Variants in CCDC170 observed in about 807,000 individuals in gnomAD.
The protein encoded by CCDC170 is coiled-coil domain-containing protein 170.
A neutral mutation model predicts 72.6 loss-of-function variants in CCDC170; 69 were observed. The ratio of observed to expected loss-of-function variants is 0.95; its 90% confidence interval spans 0.78 to 1.16. CCDC170 has a LOEUF of 1.16. Among genes scored for constraint, CCDC170 ranks in the 50% most tolerant of loss-of-function variants. The pLI, the probability that CCDC170 is intolerant of heterozygous loss-of-function variation, is 0.00. For missense variants in CCDC170, 852 were observed against 832.5 expected (o/e 1.02, Z -0.29); for synonymous variants, 300 against 303.9 (o/e 0.99, Z 0.13).
At chr6:151,615,386 A>T in intron 9 of CCDC170, 57 bp from the exon 10 acceptor site, 1 of 1,200,070 alleles carries the variant, frequency 8.3e-7, no homozygotes, top group Non-Finnish European at 1.2e-6. Flanking sequence ...TGTCATGTTT[A>T]TACAGTTTTC....
intron 1 of CCDC170, among the ~76,000 whole-genome samples, chr6:151,530,022 G>C (rs978159702): frequency 1.3e-5 from 2 of 151,982 alleles, no homozygotes; most frequent in African/African-American, 4.8e-5. Context: ...CATTTATGAG[G>C]ATTAATGTAT....
intron 5 of CCDC170, among the ~76,000 whole-genome samples, chr6:151,571,434 T>C (rs1482749658): frequency 6.6e-6 from 1 of 152,132 alleles, no homozygotes; most frequent in Non-Finnish European, 1.5e-5. Context: ...TGTTAAAAAA[T>C]AATTTTAAAA....
chr6:151,554,872 G>GTTTTTTTGTT (rs1782947814), intron 5 of CCDC170, among the ~76,000 whole-genome samples: 1 of 102,318 alleles, frequency 9.8e-6, no homozygotes, highest in Admixed American at 1.3e-4. Flanking sequence ...TTGGACCTCA[G>GTTTTTTTGTT]TTTTTTTTTT....
At chr6:151,498,673 T>C (rs909137602) in intron 1 of CCDC170, among the ~76,000 whole-genome samples, 3 of 152,234 alleles carry the variant, frequency 2.0e-5, no homozygotes, top group African/African-American at 7.2e-5. Context: ...TTAACTATTC[T>C]AGGCATGCTG....
chr6:151,594,176 A>C (rs567773112), intron 8 of CCDC170, among the ~76,000 whole-genome samples: 1 of 152,232 alleles, frequency 6.6e-6, no homozygotes, highest in African/African-American at 2.4e-5. Context: ...ATGTATTCTT[A>C]TAATAGTTCT....
intron 10 of CCDC170, 71 bp from the exon 11 acceptor site, chr6:151,617,876 G>T: frequency 1.4e-6 from 2 of 1,461,790 alleles, no homozygotes; most frequent in South Asian, 2.6e-5. Flanking sequence ...TTTTTTGTTT[G>T]TTGCATTTGG....
intron 5 of CCDC170, among the ~76,000 whole-genome samples, chr6:151,568,898 C>T (rs1165258706): frequency 2.0e-5 from 3 of 152,046 alleles, no homozygotes; most frequent in African/African-American, 7.2e-5. Flanking sequence ...CTACATATTC[C>T]TCATTTTCTA....
intron 9 of CCDC170, among the ~76,000 whole-genome samples, chr6:151,598,395 G>A (rs1042660920): frequency 6.6e-6 from 1 of 152,122 alleles, no homozygotes; most frequent in Non-Finnish European, 1.5e-5. Context: ...CAGCTGAAAC[G>A]CAAGCTGGAG....
intron 8 of CCDC170, among the ~76,000 whole-genome samples, chr6:151,594,598 C>A (rs975565712): frequency 6.6e-6 from 1 of 151,832 alleles, no homozygotes; most frequent in Non-Finnish European, 1.5e-5. Context: ...ATTAAACTTA[C>A]CAGTTTATAG....
At chr6:151,578,997 C>T (rs1178555232) in intron 6 of CCDC170, among the ~76,000 whole-genome samples, 2 of 151,928 alleles carry the variant, frequency 1.3e-5, no homozygotes, top group African/African-American at 4.8e-5. Flanking sequence ...TTCTAAAAAC[C>T]ATGCAGCTTA....
rs1426551439 is a variant in CCDC170 at position 151,536,261 on chromosome 6, G to A, written c.58-57G>A. 1.6e-5 allele frequency: 26 copies of A among 1,593,552 alleles called. No individual in the cohort carries two copies. The East Asian group carries it at 2.0e-4, about 12-fold the overall frequency. ...TTAATCTGGCTTTGTGCAGCTGCAC[G>A]GAAAAGATCGTTTAACACTCTTCTT... On this transcript the variant is annotated intron_variant, in intron 1 of 10. Transcript: ENST00000239374.
At chr6:151,559,859 A>G (rs1421429882) in intron 5 of CCDC170, among the ~76,000 whole-genome samples, 10 of 152,102 alleles carry the variant, frequency 6.6e-5, no homozygotes, top group East Asian at 3.9e-4. Flanking sequence ...TAACTTGGCT[A>G]GTGGTCTGTC....
chr6:151,590,517 TATC>T (rs1166840734), intron 7 of CCDC170, among the ~76,000 whole-genome samples: 1 of 152,240 alleles, frequency 6.6e-6, no homozygotes, highest in Non-Finnish European at 1.5e-5. Context: ...GGATGGATAG[TATC>T]ATGTAAATTG....
At chr6:151,603,322 T>C (rs2115129497) in intron 9 of CCDC170, among the ~76,000 whole-genome samples, 2 of 152,340 alleles carry the variant, frequency 1.3e-5, no homozygotes, top group South Asian at 4.1e-4. Context: ...TATTGTACCA[T>C]GTGTTTTATT....
At position 151,552,021 on chromosome 6, in the gene CCDC170, G is replaced by A. The variant is rs1234999092; in HGVS notation, c.774+3532G>A. Among the ~76,000 whole-genome samples, 14 of 103,126 alleles carry A rather than the reference G, an allele frequency of 1.4e-4. No homozygotes were observed. The Admixed American group carries it at 1.7e-3, about 13-fold the overall frequency. 67.7% of individuals were successfully genotyped at this position (103,126 alleles called of 152,430 possible). On this transcript the variant is annotated intron_variant, in intron 5 of 10. Coordinates refer to ENST00000239374, the MANE Select transcript of CCDC170 (RefSeq NM_025059.4). The stretch of plus-strand genomic sequence containing the variant: ...TAATTCACTGCATTTGTTGATTAGT[G>A]TCAGGTTTTTTTTTTTTTTTTTGGT...
chr6:151,618,200 T>C lies in CCDC170; in HGVS notation c.*53T>C, dbSNP rs758867477. 32 of 1,448,244 alleles carry C rather than the reference T, an allele frequency of 2.2e-5. No homozygotes were observed. The highest frequency in any genetic ancestry group is 2.8e-5 in the Non-Finnish European group (29 of 1,039,238). 89.7% of individuals were successfully genotyped at this position (1,448,244 alleles called of 1,614,324 possible). ...ATAAGACATGGCACACAATTCCCAA[T>C]TTCACAAATTCCTCATGTCTTTGAG... On this transcript the variant is annotated 3_prime_UTR_variant, in exon 11 of 11. Transcript: ENST00000239374.
intron 2 of CCDC170, among the ~76,000 whole-genome samples, chr6:151,537,813 A>C (rs1218442719): frequency 6.6e-6 from 1 of 152,212 alleles, no homozygotes; most frequent in Non-Finnish European, 1.5e-5. Flanking sequence ...AATGAGACTA[A>C]ACAACATAAG....
At chr6:151,553,038 C>T (rs1050292696) in intron 5 of CCDC170, among the ~76,000 whole-genome samples, 19 of 152,198 alleles carry the variant, frequency 1.2e-4, no homozygotes, top group Admixed American at 7.2e-4. Context: ...CCACCCACAT[C>T]GGCCTCCCAA....
At chr6:151,549,526 C>G (rs1388954444) in intron 5 of CCDC170, among the ~76,000 whole-genome samples, 1 of 152,030 alleles carries the variant, frequency 6.6e-6, no homozygotes, top group Admixed American at 6.5e-5. Flanking sequence ...AAACATGTTC[C>G]CCATACCCCT....
Sources: allele counts gnomAD v4.1 joint callset (sites outside exome capture counted in the v4.1 genomes callset), GRCh38; gene constraint gnomAD v4.1.1; transcripts MANE v1.5; gene names NCBI Gene and HGNC (gene_info 2026-07-23, HGNC 2026-07-21).